The following SLC25A48 variants were observed in gnomAD, a reference collection of about 807,000 sequenced individuals.
SLC25A48 encodes solute carrier family 25 member 48.
SLC25A48 carries 29 observed loss-of-function variants against 32.2 expected under a neutral mutation model. The ratio of observed to expected loss-of-function variants is 0.90; its 90% CI spans 0.67 to 1.23. The LOEUF (loss-of-function observed/expected upper bound fraction) is 1.23. Among genes scored for constraint, SLC25A48 ranks in the 50% most tolerant of loss-of-function variants. The pLI is 0.00. For missense variants in SLC25A48, 399 were observed against 422.7 expected, an observed-to-expected ratio of 0.94 and a Z score of 0.49; for synonymous variants, 164 against 172.3, an observed-to-expected ratio of 0.95 and a Z score of 0.38.
intron 3 of SLC25A48, among the ~76,000 whole-genome samples, chr5:135,664,998 A>T (rs569030271): frequency 1.3e-5 from 2 of 152,192 alleles, no homozygotes. Flanking sequence ...ACCAATCTCC[A>T]TACTGTTTTC....
intron 3 of SLC25A48, among the ~76,000 whole-genome samples, chr5:135,775,434 G>C (rs1231162605): frequency 1.3e-5 from 2 of 151,510 alleles, no homozygotes; most frequent in Non-Finnish European, 2.9e-5. Flanking sequence ...AGGGGAAAGA[G>C]AATAATATGA....
At chr5:135,797,581 T>C (rs537119554) in intron 3 of SLC25A48, among the ~76,000 whole-genome samples, 3 of 152,036 alleles carry the variant, frequency 2.0e-5, no homozygotes, top group East Asian at 3.9e-4. Flanking sequence ...TTCTGTGATA[T>C]TGCTGTCAGT....
At chr5:135,670,649 G>T (rs1262378435) in intron 3 of SLC25A48, among the ~76,000 whole-genome samples, 1 of 152,204 alleles carries the variant, frequency 6.6e-6, no homozygotes, top group Non-Finnish European at 1.5e-5. Flanking sequence ...TGCATGGTGT[G>T]CTGTAAATAT....
chr5:135,676,722 G>C (rs944728587), intron 3 of SLC25A48, among the ~76,000 whole-genome samples: 2 of 151,786 alleles, frequency 1.3e-5, no homozygotes, highest in African/African-American at 4.8e-5. Flanking sequence ...TTGAAAAAGG[G>C]GTTATTCAGG....
intron 3 of SLC25A48, among the ~76,000 whole-genome samples, chr5:135,718,300 T>G (rs1754857967): frequency 6.6e-6 from 1 of 152,156 alleles, no homozygotes; most frequent in African/African-American, 2.4e-5. Flanking sequence ...TGAAAAGTAA[T>G]AGCCGGGCAC....
In SLC25A48 at chr5:135,840,734, T is replaced by C. The variant is rs138843445; in HGVS notation, c.47-1682T>C. On this transcript the variant is annotated intron_variant, in intron 1 of 7. Coordinates refer to ENST00000681962, the MANE Select transcript of SLC25A48 (RefSeq NM_001349336.2). ...TTGGAGGTGCATCTATGCTGTAGCA[T>C]GCATCAATAGTTCATTTATTTTTAT... Among the ~76,000 whole-genome samples, 517 of 152,362 alleles carry C rather than the reference T, an allele frequency of 3.4e-3. 3 individuals are homozygous for C. Among genetic ancestry groups the C allele is most frequent in the South Asian group, 0.026 (124 of 4,824 alleles).
rs141243065 is a variant in SLC25A48 at position 135,834,716 on chromosome 5, T to G, written c.-132T>G. The G allele has an allele frequency of 6.1e-3, 5,951 of 971,466 alleles. 72 individuals are homozygous for G. The highest frequency in any genetic ancestry group is 0.032 in the South Asian group (1,762 of 55,458). 60.2% of individuals were successfully genotyped at this position (971,466 alleles called of 1,614,324 possible). A position where few individuals can be genotyped will look rare whatever the true frequency, so the allele number is the denominator to read the frequency against. On this transcript the variant is annotated 5_prime_UTR_variant, in exon 1 of 8. Coordinates refer to ENST00000681962, the MANE Select transcript of SLC25A48 (RefSeq NM_001349336.2). ...GCAGCCGGTGACTGGGGGACTGGGT[T>G]TGGAGTAGGACCTGCGGCGTGCTCG...
intron 3 of SLC25A48, among the ~76,000 whole-genome samples, chr5:135,686,636 G>A (rs1311258710): frequency 6.6e-6 from 1 of 152,182 alleles, no homozygotes; most frequent in South Asian, 2.1e-4. Context: ...CTCTCCCCTG[G>A]GCTCAGTCCA....
chr5:135,678,841 G>T (rs78091274), intron 3 of SLC25A48, among the ~76,000 whole-genome samples: 1 of 152,172 alleles, frequency 6.6e-6, no homozygotes, highest in Admixed American at 6.5e-5. Context: ...CTTAGGGTGT[G>T]GTTGTTAGTG....
chr5:135,668,522 C>G (rs1186014221), intron 3 of SLC25A48, among the ~76,000 whole-genome samples: 1 of 152,150 alleles, frequency 6.6e-6, no homozygotes, highest in Non-Finnish European at 1.5e-5. Context: ...TAATTTAAGT[C>G]AATTAGAGGA....
rs1367610721 is a variant in SLC25A48 at position 135,659,356 on chromosome 5, T to A, written c.-521+24400T>A. ...GCTAAAGCATAGCAAGAGGGACCTTTACTCCAGTTCCTAATAAGTTCCTCA... is the reference window on the plus strand; with the variant it reads ...GCTAAAGCATAGCAAGAGGGACCTTAACTCCAGTTCCTAATAAGTTCCTCA... On this transcript the variant is annotated intron_variant, in intron 3 of 10. Transcript: ENST00000646290. Among the ~76,000 whole-genome samples the A allele has an allele frequency of 1.1e-4, 16 of 152,250 alleles. 1 individual carries two copies. The highest frequency in any genetic ancestry group is 1.0e-3 in the Admixed American group (16 of 15,288).
intron 3 of SLC25A48, among the ~76,000 whole-genome samples, chr5:135,771,498 G>A (rs540071296): frequency 2.5e-4 from 37 of 150,404 alleles, no homozygotes; most frequent in Non-Finnish European, 4.3e-4. Context: ...GATATGGTTC[G>A]TAATATCCAG....
intron 7 of SLC25A48, among the ~76,000 whole-genome samples, chr5:135,885,378 C>G (rs1762678571): frequency 6.6e-6 from 1 of 152,170 alleles, no homozygotes; most frequent in African/African-American, 2.4e-5. Context: ...GCTTCCCTGC[C>G]TCTATGCTTT....
At chr5:135,689,815 A>G (rs192261565) in intron 3 of SLC25A48, among the ~76,000 whole-genome samples, 8 of 152,362 alleles carry the variant, frequency 5.3e-5, no homozygotes, top group African/African-American at 1.7e-4. Context: ...TGATCTTCCC[A>G]TCATGGAAAT....
At chr5:135,717,258 C>A (rs1177328767) in intron 3 of SLC25A48, among the ~76,000 whole-genome samples, 1 of 152,210 alleles carries the variant, frequency 6.6e-6, no homozygotes, top group African/African-American at 2.4e-5. Context: ...CTGCTTCTTG[C>A]GGTCACAGAC....
At chr5:135,859,830 C>T (rs566688148) in intron 4 of SLC25A48, among the ~76,000 whole-genome samples, 1 of 152,236 alleles carries the variant, frequency 6.6e-6, no homozygotes, top group South Asian at 2.1e-4. Flanking sequence ...GAAAAGATAC[C>T]TCAAAGGGCA....
At chr5:135,842,390 A>C in intron 1 of SLC25A48, 26 bp from the exon 2 acceptor site, 1 of 1,613,192 alleles carries the variant, frequency 6.2e-7, no homozygotes, top group African/African-American at 1.3e-5. Flanking sequence ...GGGCTGAGTT[A>C]CTAGGCATTC....
rs770008805 is a variant in SLC25A48, at chr5:135,661,439, T to G, written c.-521+26483T>G. 1.8e-3 allele frequency among the ~76,000 whole-genome samples: 273 copies of G among 152,302 alleles called. 4 individuals carry two copies. The highest frequency in any genetic ancestry group is 1.2e-3 in the Admixed American group (18 of 15,302). ...GGAGTCTTTGTGCCCTAGGTTGCCA[T>G]GGTTCCCAGACCTGAGCCAGCAGCC... On this transcript the variant is annotated intron_variant, in intron 3 of 10. Coordinates refer to the SLC25A48 transcript ENST00000646290.
chr5:135,867,911 A>G (rs11951141), intron 4 of SLC25A48, among the ~76,000 whole-genome samples: 6,559 of 152,264 alleles, frequency 0.043, 477 homozygotes, highest in African/African-American at 0.15. Context: ...GTTGCTTCTC[A>G]ATGAGTGACA....
Sources: allele counts gnomAD v4.1 joint callset (sites outside exome capture counted in the v4.1 genomes callset), GRCh38; gene constraint gnomAD v4.1.1; transcripts MANE v1.5; gene names NCBI Gene and HGNC (gene_info 2026-07-23, HGNC 2026-07-21).